Variants in PVT1 observed in about 807,000 individuals in gnomAD.
PVT1 encodes the protein CXCR4/PVT1 fusion.
intron 3 of PVT1, among the ~76,000 whole-genome samples, chr8:127,905,519 T>A (rs1815809051): frequency 6.6e-6 from 1 of 152,212 alleles, no homozygotes; most frequent in African/African-American, 2.4e-5. Context: ...GGTTTTCACA[T>A]CCATTGGTCA....
At chr8:127,942,089 TC>T (rs1369485962) in intron 3 of PVT1, among the ~76,000 whole-genome samples, 1 of 152,118 alleles carries the variant, frequency 6.6e-6, no homozygotes, top group Non-Finnish European at 1.5e-5. Context: ...TGATCCCATG[TC>T]CCCAGCTCTG....
intron 2 of PVT1, among the ~76,000 whole-genome samples, chr8:127,840,733 A>G (rs749312274): frequency 1.1e-4 from 16 of 152,228 alleles, no homozygotes; most frequent in Non-Finnish European, 2.1e-4. Flanking sequence ...TTGTTCCCCT[A>G]AGAGGGTGGC....
At chr8:127,830,366 AG>A (rs1338372009) in intron 2 of PVT1, among the ~76,000 whole-genome samples, 6 of 150,960 alleles carry the variant, frequency 4.0e-5, no homozygotes, top group Admixed American at 2.0e-4. Context: ...GCAGGTGGAG[AG>A]GGGCAGGGAT....
intron 2 of PVT1, among the ~76,000 whole-genome samples, chr8:127,882,781 C>T (rs1033405539): frequency 6.6e-6 from 1 of 152,160 alleles, no homozygotes; most frequent in African/African-American, 2.4e-5. Context: ...CCACACCCAG[C>T]CAGTTTTGAA....
intron 2 of PVT1, among the ~76,000 whole-genome samples, chr8:127,869,515 T>C (rs547270744): frequency 1.9e-4 from 29 of 152,320 alleles, no homozygotes; most frequent in Non-Finnish European, 3.5e-4. Flanking sequence ...AGCTTTGCAG[T>C]GTTGGACTAA....
intron 1 of PVT1, chr8:127,795,726 G>T (rs1250009619): frequency 6.6e-6 from 1 of 152,448 alleles, no homozygotes; most frequent in Non-Finnish European, 1.5e-5. Context: ...TGTCTGCTGT[G>T]TTGTCTGTTA....
chr8:127,856,060 A>G (rs980763994), intron 2 of PVT1, among the ~76,000 whole-genome samples: 8 of 152,260 alleles, frequency 5.3e-5, no homozygotes, highest in African/African-American at 1.9e-4. Context: ...ATCTTTATCA[A>G]AAGTAGAGCA....
chr8:127,943,865 A>G (rs903055373), intron 3 of PVT1, among the ~76,000 whole-genome samples: 4 of 152,240 alleles, frequency 2.6e-5, no homozygotes, highest in Admixed American at 1.3e-4. Flanking sequence ...TTCATCCCCA[A>G]TGTGGAAGAT....
intron 4 of PVT1, among the ~76,000 whole-genome samples, chr8:128,043,797 CACACACAT>C (rs1309560067): frequency 6.7e-6 from 1 of 149,524 alleles, no homozygotes; most frequent in Non-Finnish European, 1.5e-5. Context: ...CACACACACA[CACACACAT>C]ACACAAGGAG....
chr8:128,047,220 T>C (rs1813626147), intron 4 of PVT1, among the ~76,000 whole-genome samples: 1 of 152,182 alleles, frequency 6.6e-6, no homozygotes, highest in Non-Finnish European at 1.5e-5. Flanking sequence ...GGGCTTTCTG[T>C]GTTCTTGAAT....
At chr8:127,925,797 A>G (rs1181650926) in intron 3 of PVT1, among the ~76,000 whole-genome samples, 1 of 152,014 alleles carries the variant, frequency 6.6e-6, no homozygotes, top group Non-Finnish European at 1.5e-5. Flanking sequence ...ATACACCACC[A>G]TGCCTGGCTA....
intron 6 of PVT1, among the ~76,000 whole-genome samples, chr8:128,097,712 G>A (rs1372826858): frequency 3.9e-5 from 6 of 152,138 alleles, no homozygotes; most frequent in African/African-American, 9.7e-5. Context: ...GGTTTAACTC[G>A]TTTACCTGAG....
intron 2 of PVT1, among the ~76,000 whole-genome samples, chr8:127,823,803 C>T (rs1400142437): frequency 6.6e-6 from 1 of 152,212 alleles, no homozygotes; most frequent in South Asian, 2.1e-4. Context: ...AGAGGCTTGT[C>T]AATGGCCTTC....
chr8:127,858,478 A>G (rs894737219), intron 2 of PVT1, among the ~76,000 whole-genome samples: 1 of 151,958 alleles, frequency 6.6e-6, no homozygotes, highest in African/African-American at 2.4e-5. Flanking sequence ...CGGTTTGGGC[A>G]TAGGTTACCT....
chr8:127,941,801 T>C (rs918641463), intron 3 of PVT1, among the ~76,000 whole-genome samples: 1 of 152,262 alleles, frequency 6.6e-6, no homozygotes, highest in Non-Finnish European at 1.5e-5. Flanking sequence ...CCAGTGTCTC[T>C]GTGGCCTGAG....
intron 3 of PVT1, chr8:127,932,474 G>A (rs1816218636): frequency 2.5e-6 from 1 of 398,514 alleles, no homozygotes; most frequent in African/African-American, 2.1e-5. Context: ...GGACTTCGCA[G>A]GTGAGCAGTA....
intron 2 of PVT1, among the ~76,000 whole-genome samples, chr8:127,836,770 CTT>C (rs1436817710): frequency 6.6e-6 from 1 of 152,172 alleles, no homozygotes; most frequent in Non-Finnish European, 1.5e-5. Flanking sequence ...CAATAAGAAA[CTT>C]GGCCCACAGT....
intron 2 of PVT1, among the ~76,000 whole-genome samples, chr8:127,872,955 C>G (rs1815368765): frequency 6.6e-6 from 1 of 152,206 alleles, no homozygotes. Flanking sequence ...ACAGCCCTGT[C>G]CATTTCCTGA....
chr8:128,043,364 C>A (rs1813568919), intron 4 of PVT1, among the ~76,000 whole-genome samples: 1 of 152,126 alleles, frequency 6.6e-6, no homozygotes, highest in Non-Finnish European at 1.5e-5. Flanking sequence ...TTCTCACAGG[C>A]TGGGGGTCAG....
Sources: gnomAD v4.1 joint callset for allele counts (sites outside exome capture counted in the v4.1 genomes callset) on GRCh38, gnomAD v4.1.1 for gene constraint, MANE v1.5 for transcripts, NCBI Gene and HGNC (gene_info 2026-07-23, HGNC 2026-07-21) for gene names.